IGSF3: variants seen among roughly 807,000 people sequenced by gnomAD.
IGSF3 encodes the protein glu-Trp-Ile EWI motif-containing protein 3.
IGSF3 carries 23 observed loss-of-function variants against 114.4 expected under a neutral mutation model. That is an observed-to-expected ratio of 0.20 (90% CI 0.14 to 0.28). The LOEUF is 0.28. Ranked by LOEUF, IGSF3 falls within the 10% of genes least tolerant of loss-of-function variation. IGSF3 has a pLI of 1.00. For synonymous variants in IGSF3, 571 were observed against 645.2 expected, an observed-to-expected ratio of 0.88 and a Z score of 1.74; for missense variants, 1,172 against 1,591.5, an observed-to-expected ratio of 0.74 and a Z score of 4.48.
At chr1:116,631,578 T>C (rs912669681) in intron 2 of IGSF3, among the ~76,000 whole-genome samples, 11 of 152,006 alleles carry the variant, frequency 7.2e-5, no homozygotes, top group Admixed American at 1.3e-4. Flanking sequence ...GCCAGAGAGA[T>C]AGTAAAGAGA....
At chr1:116,597,444 G>T (rs1402422652) in intron 7 of IGSF3, among the ~76,000 whole-genome samples, 1 of 152,166 alleles carries the variant, frequency 6.6e-6, no homozygotes, top group Non-Finnish European at 1.5e-5. Flanking sequence ...CACTTAAGGG[G>T]ATGCACTCTC....
Position 116,661,782 on chromosome 1 carries a change from T to C in IGSF3, c.43+4502A>G, listed in dbSNP as rs1649127673. 1.3e-5 allele frequency among the ~76,000 whole-genome samples: 2 copies of C among 152,210 alleles called. No homozygotes were observed. The highest frequency in any genetic ancestry group is 1.9e-4 in the East Asian group (1 of 5,202). On this transcript the variant is annotated intron_variant, in intron 2 of 10. Coordinates refer to ENST00000369486, the MANE Select transcript of IGSF3 (RefSeq NM_001007237.3). This position sits in a 1 kb window ranked among gnomAD's most constrained non-coding sequence, Gnocchi z 4.0. The stretch of plus-strand genomic sequence containing the variant: ...AATCCCAAGTTTTTCTCAGGACACA[T>C]GGACCCTCAGGATAAGCATATTTTC...
chr1:116,619,768 A>T (rs1473635566), intron 2 of IGSF3, among the ~76,000 whole-genome samples: 2 of 151,134 alleles, frequency 1.3e-5, no homozygotes, highest in Non-Finnish European at 2.9e-5. Context: ...CCAGGCAAGG[A>T]TCTTTTTTTT....
In IGSF3 at chr1:116,579,790, C is replaced by T. The variant is rs771797771; in HGVS notation, c.2936G>A (p.Arg979His). ...AFQLDCSIVS[R>H]SSQDSRFAVA... ...AGCGAAGCGGGAGTCCTGGCTGGAG[C>T]GGGACACGATGCTACAGTCCAGCTG... The change falls in exon 10 of 11, where the codon CGC (arginine) becomes CAC (histidine). Residue 979 changes from arginine to histidine, a missense_variant. By Grantham distance (29) the Arg-to-His change is conservative (BLOSUM62 0). This residue lies in a region of IGSF3 where 423 missense variants were observed against 509.8 expected (regional missense o/e 0.83). Coordinates refer to ENST00000369486, the MANE Select transcript of IGSF3 (RefSeq NM_001007237.3). The surrounding 1 kb of genome is among the most constrained non-coding windows in gnomAD (Gnocchi z 6.4). The T allele has an allele frequency of 5.1e-5, 82 of 1,613,908 alleles. No individual in the cohort carries two copies. The highest frequency in any genetic ancestry group is 6.4e-5 in the Non-Finnish European group (75 of 1,180,024).
intron 4 of IGSF3, among the ~76,000 whole-genome samples, chr1:116,611,644 TCTC>T (rs1661027168): frequency 6.6e-6 from 1 of 151,976 alleles, no homozygotes; most frequent in South Asian, 2.1e-4. Context: ...CTTTTATGCT[TCTC>T]CTCCTGCTGA....
chr1:116,664,377 G>T lies in IGSF3; in HGVS notation c.43+1907C>A, dbSNP rs1168835712. ...GTGGCCCAGAGAGCGAACAGCAGGG[G>T]GACCAGCATGCAGCCTTACATTACT... is the stretch of plus-strand genomic sequence containing the variant. On this transcript the variant is annotated intron_variant, in intron 2 of 10. Transcript: ENST00000369486. This position sits in a 1 kb window ranked among gnomAD's most constrained non-coding sequence, Gnocchi z 4.6. Among the ~76,000 whole-genome samples the T allele has an allele frequency of 6.6e-6, 1 of 152,204 alleles. No individual in the cohort carries two copies.
chr1:116,596,610 G>A lies in IGSF3; in HGVS notation c.2029+3331C>T, dbSNP rs985633550. ...TTTGCTAAAGGGGATTAGGAAATCA[G>A]GGGTGGTTAACCAGAGAGAGGAAAC... On this transcript the variant is annotated intron_variant, in intron 7 of 10. Coordinates refer to ENST00000369486, the MANE Select transcript of IGSF3 (RefSeq NM_001007237.3). This position sits in a 1 kb window ranked among gnomAD's most constrained non-coding sequence, Gnocchi z 4.1. 6.6e-6 allele frequency among the ~76,000 whole-genome samples: 1 copy of A among 152,208 alleles called. No individual in the cohort carries two copies. Among genetic ancestry groups the A allele is most frequent in the African/African-American group, 2.4e-5 (1 of 41,446 alleles).
In IGSF3 at chr1:116,613,832, C is replaced by T. The variant is rs371743522; in HGVS notation, c.765G>A (p.Pro255=). ...GGGTCATAGCATACCACGACCCATC[C>T]GGATCCTGGATCCACTCGGCGGCCT... ...YCEAAEWIQD[P]DGSWYAMTRK... The change falls in exon 4 of 11, where the codon CCG becomes CCA. Residue 255 remains proline (P), a synonymous_variant. Coordinates refer to ENST00000369486, the MANE Select transcript of IGSF3 (RefSeq NM_001007237.3). The T allele has an allele frequency of 3.6e-5, 58 of 1,613,984 alleles. No individual in the cohort carries two copies. Among genetic ancestry groups the T allele is most frequent in the Admixed American group, 2.7e-4 (16 of 60,024 alleles).
Position 116,666,885 on chromosome 1 carries a change from C to A in IGSF3, c.-559G>T, listed in dbSNP as rs1649355356. 1 of 406,408 alleles carries A rather than the reference C, an allele frequency of 2.5e-6. No individual in the cohort carries two copies. The highest frequency in any genetic ancestry group is 2.1e-5 in the African/African-American group (1 of 48,632). 25.2% of individuals were successfully genotyped at this position (406,408 alleles called of 1,614,324 possible). A position where few individuals can be genotyped will look rare whatever the true frequency, so the allele number is the denominator to read the frequency against. On this transcript the variant is annotated 5_prime_UTR_variant, in exon 2 of 11. Transcript: ENST00000369486. ...GGTCACGGAGGCGCCACCTGCCCCA[C>A]GCCTGCCTAGGGCACACGAAGCAAG...
chr1:116,647,783 G>A lies in IGSF3; in HGVS notation c.43+18501C>T, dbSNP rs768687345. 2.0e-5 allele frequency among the ~76,000 whole-genome samples: 3 copies of A among 152,160 alleles called. No homozygotes were observed. The highest frequency in any genetic ancestry group is 4.4e-5 in the Non-Finnish European group (3 of 68,024). On this transcript the variant is annotated intron_variant, in intron 2 of 10. Coordinates refer to ENST00000369486, the MANE Select transcript of IGSF3 (RefSeq NM_001007237.3). The surrounding 1 kb of genome is among the most constrained non-coding windows in gnomAD (Gnocchi z 4.6). Reference sequence around the variant, plus strand: ...CTGGGATTAAGCTTAGACCTTGTAGGCCTATCAGCCAGAAGCAGTGTGTAA... The same window carrying A: ...CTGGGATTAAGCTTAGACCTTGTAGACCTATCAGCCAGAAGCAGTGTGTAA...
chr1:116,608,053 T>C lies in IGSF3; in HGVS notation c.1111A>G (p.Ser371Gly). ...GTCACCCGGCAGTTGTATTTCCCGC[T>C]ATCTTCCTGGCGGAGGTGGTAGATC... ...LKIYHLRQEDSGKYNCRVTER... is the reference protein window; with the variant it reads ...LKIYHLRQEDGGKYNCRVTER... The change falls in exon 5 of 11, where the codon AGC (serine) becomes GGC (glycine). Residue 371 changes from serine (S) to glycine (G), a missense_variant. Around this residue, in one of 3 missense-constraint regions of IGSF3, gnomAD observed 736 missense variants for 1,042.0 expected, o/e 0.71. Coordinates refer to ENST00000369486, the MANE Select transcript of IGSF3 (RefSeq NM_001007237.3). 1 of 1,613,914 alleles carries C rather than the reference T, an allele frequency of 6.2e-7. No homozygotes were observed. The highest frequency in any genetic ancestry group is 8.5e-7 in the Non-Finnish European group (1 of 1,179,820).
intron 7 of IGSF3, among the ~76,000 whole-genome samples, chr1:116,590,200 G>A (rs910142865): frequency 3.3e-5 from 5 of 151,996 alleles, no homozygotes; most frequent in Non-Finnish European, 7.4e-5. Context: ...AGGGCAGCCT[G>A]TGGAGCGCCT....
At chr1:116,626,200 A>C (rs1275197666) in intron 2 of IGSF3, among the ~76,000 whole-genome samples, 1 of 151,724 alleles carries the variant, frequency 6.6e-6, no homozygotes, top group East Asian at 1.9e-4. Flanking sequence ...GCTTCCCCTC[A>C]TTTTTCCAGA....
chr1:116,577,579 G>C lies in IGSF3; in HGVS notation c.3335-17C>G. 1.9e-6 allele frequency: 3 copies of C among 1,612,548 alleles called. No individual in the cohort carries two copies. Among genetic ancestry groups the C allele is most frequent in the African/African-American group, 2.7e-5 (2 of 75,018 alleles). Reference sequence around the variant, plus strand: ...GGGTGGGACCTGAAAAGAATCATGAGAGAGACAAGACAATGAGGGCTGAGA... The same window carrying C: ...GGGTGGGACCTGAAAAGAATCATGACAGAGACAAGACAATGAGGGCTGAGA... On this transcript the variant is annotated splice_polypyrimidine_tract_variant and intron_variant, in intron 10 of 10. Coordinates refer to ENST00000369486, the MANE Select transcript of IGSF3 (RefSeq NM_001007237.3). The surrounding 1 kb of genome is among the most constrained non-coding windows in gnomAD (Gnocchi z 5.7).
rs1378629386 is a variant in IGSF3, at chr1:116,655,602, A to G, written c.43+10682T>C. Among the ~76,000 whole-genome samples the G allele has an allele frequency of 6.6e-6, 1 of 152,258 alleles. No individual in the cohort carries two copies. The highest frequency in any genetic ancestry group is 1.5e-5 in the Non-Finnish European group (1 of 68,048). On this transcript the variant is annotated intron_variant, in intron 2 of 10. Transcript: ENST00000369486. This position sits in a 1 kb window ranked among gnomAD's most constrained non-coding sequence, Gnocchi z 4.3. ...AGTCTTAAATGCTGAGCCCGTAGCC[A>G]GCAACCTTAAAGGCTACTCGGGTCC... is the stretch of plus-strand genomic sequence containing the variant.
Position 116,589,128 on chromosome 1 carries a change from G to T in IGSF3, c.2030-24C>A. 1 of 1,595,258 alleles carries T rather than the reference G, an allele frequency of 6.3e-7. No individual in the cohort carries two copies. ...CACTGCAAAGGAAAGGGGAACACAG[G>T]AATCACCACAGACTCCCAGAAACGT... On this transcript the variant is annotated intron_variant, in intron 7 of 10. Transcript: ENST00000369486. The surrounding 1 kb of genome is among the most constrained non-coding windows in gnomAD (Gnocchi z 5.7).
chr1:116,587,218 GTA>G (rs3831858), intron 8 of IGSF3, among the ~76,000 whole-genome samples: 1 of 152,008 alleles, frequency 6.6e-6, no homozygotes, highest in East Asian at 1.9e-4. Context: ...GTGTGTGTGT[GTA>G]TATATATATG....
At position 116,634,947 on chromosome 1, in the gene IGSF3, G is replaced by A. The variant is rs1647758865; in HGVS notation, c.44-18490C>T. On this transcript the variant is annotated intron_variant, in intron 2 of 10. Coordinates refer to ENST00000369486, the MANE Select transcript of IGSF3 (RefSeq NM_001007237.3). The surrounding 1 kb of genome is among the most constrained non-coding windows in gnomAD (Gnocchi z 4.2). ...AGAGACAAGGTGAAGAGAATGAGAT[G>A]CCAGTCTCCACTGCTCCAGTTGTCT... Among the ~76,000 whole-genome samples the A allele has an allele frequency of 6.6e-6, 1 of 152,136 alleles. No homozygotes were observed. Among genetic ancestry groups the A allele is most frequent in the African/African-American group, 2.4e-5 (1 of 41,444 alleles).
rs1161479700 is a variant in IGSF3, at chr1:116,634,644, T to C, written c.44-18187A>G. ...CTGAGACAAAATGTATTTCCCAAAG[T>C]TGGCTTGCAATGACATCTCCCGTGC... On this transcript the variant is annotated intron_variant, in intron 2 of 10. Coordinates refer to ENST00000369486, the MANE Select transcript of IGSF3 (RefSeq NM_001007237.3). This position sits in a 1 kb window ranked among gnomAD's most constrained non-coding sequence, Gnocchi z 4.2. Among the ~76,000 whole-genome samples the C allele has an allele frequency of 6.6e-6, 1 of 152,198 alleles. No individual in the cohort carries two copies. The highest frequency in any genetic ancestry group is 1.5e-5 in the Non-Finnish European group (1 of 68,032).
Sources: gnomAD v4.1 joint callset for allele counts (sites outside exome capture counted in the v4.1 genomes callset) on GRCh38, gnomAD v4.1.1 for gene constraint, gnomAD v4.1.1 regional missense constraint, Gnocchi (gnomAD v3.1) non-coding constraint, MANE v1.5 for transcripts, NCBI Gene and HGNC (gene_info 2026-07-23, HGNC 2026-07-21) for gene names.